The following GOLM2 variants were observed in gnomAD, a reference collection of about 807,000 sequenced individuals.
GOLM2 encodes the protein golgi membrane protein 2.
A neutral mutation model predicts 55.9 loss-of-function variants in GOLM2; 26 were observed. The ratio of observed to expected loss-of-function variants is 0.47; its 90% CI spans 0.34 to 0.65. The LOEUF (loss-of-function observed/expected upper bound fraction) is 0.65, where lower values mean the gene tolerates loss of function less well. Ranked by LOEUF, GOLM2 falls within the 30% of genes least tolerant of loss-of-function variation. GOLM2 has a pLI of 0.01. For missense variants in GOLM2, 486 were observed against 531.8 expected (o/e 0.91, Z 0.85); for synonymous variants, 165 against 194.6 (o/e 0.85, Z 1.27).
rs2078698743 is a variant in GOLM2, at chr15:44,288,886, T to C, written c.-144T>C. ...TGCGGCTTGCGGCCCCGCCCCCTTC[T>C]CCGGCTCGCAGCCGACCGGTAAGCC... On this transcript the variant is annotated 5_prime_UTR_variant, in exon 1 of 10. Transcript: ENST00000299957. 9 of 712,636 alleles carry C rather than the reference T, an allele frequency of 1.3e-5. No individual in the cohort carries two copies. The highest frequency in any genetic ancestry group is 1.8e-5 in the African/African-American group (1 of 55,256). 44.1% of individuals were successfully genotyped at this position (712,636 alleles called of 1,614,324 possible).
At chr15:44,401,119 G>T (rs75260922) in intron 8 of GOLM2, among the ~76,000 whole-genome samples, 7,187 of 151,948 alleles carry the variant, frequency 0.047, 286 homozygotes, top group East Asian at 0.19. Flanking sequence ...ATTTATCTAT[G>T]TATTTATCTT....
chr15:44,303,271 C>T (rs955811127), intron 1 of GOLM2, among the ~76,000 whole-genome samples: 1 of 152,028 alleles, frequency 6.6e-6, no homozygotes, highest in Non-Finnish European at 1.5e-5. Context: ...TAAATATGTA[C>T]TAGGGCTACC....
chr15:44,306,444 T>C (rs2412864), intron 1 of GOLM2, among the ~76,000 whole-genome samples: 19,849 of 152,214 alleles, frequency 0.13, 1,757 homozygotes, highest in Non-Finnish European at 0.2. Context: ...GGGAATATTG[T>C]GGTTAGTTTG....
chr15:44,365,960 A>T (rs189465690), intron 6 of GOLM2, among the ~76,000 whole-genome samples: 2 of 152,252 alleles, frequency 1.3e-5, no homozygotes, highest in African/African-American at 4.8e-5. Flanking sequence ...GATATTTGGG[A>T]TATTTTTCTA....
chr15:44,333,891 A>T (rs1440128467), intron 4 of GOLM2, among the ~76,000 whole-genome samples: 1 of 151,800 alleles, frequency 6.6e-6, no homozygotes, highest in Admixed American at 6.6e-5. Context: ...AATTTTTTGT[A>T]TTTTTAGTAG....
At chr15:44,342,208 T>C (rs192857731) in intron 6 of GOLM2, among the ~76,000 whole-genome samples, 6 of 152,212 alleles carry the variant, frequency 3.9e-5, no homozygotes, top group African/African-American at 1.4e-4. Context: ...ATTTTCTACA[T>C]TGTCATGGCA....
intron 2 of GOLM2, among the ~76,000 whole-genome samples, chr15:44,326,616 A>G (rs1431378349): frequency 6.6e-6 from 1 of 150,946 alleles, no homozygotes; most frequent in Middle Eastern, 3.2e-3. Flanking sequence ...TCTGCTGTTT[A>G]AAAACATCTG....
intron 4 of GOLM2, among the ~76,000 whole-genome samples, chr15:44,335,393 T>C (rs1226951549): frequency 6.6e-6 from 1 of 152,216 alleles, no homozygotes; most frequent in Non-Finnish European, 1.5e-5. Context: ...TGTCCATTCA[T>C]AGAAAGGTAC....
At chr15:44,342,187 C>T (rs1481610932) in intron 6 of GOLM2, among the ~76,000 whole-genome samples, 1 of 151,540 alleles carries the variant, frequency 6.6e-6, no homozygotes, top group African/African-American at 2.4e-5. Context: ...AAAATGTCAC[C>T]ATATGCAGAC....
In GOLM2 at chr15:44,375,623, A is replaced by T. The variant is rs182494646; in HGVS notation, c.803-4067A>T. ...TGAGACCTCCTCTCTACAAAAAAAA[A>T]TTTTTTAATTAGCCAGGTGTAGTGT... On this transcript the variant is annotated intron_variant, in intron 6 of 9. Coordinates refer to ENST00000299957, the MANE Select transcript of GOLM2 (RefSeq NM_138423.4). 5.1e-4 allele frequency among the ~76,000 whole-genome samples: 77 copies of T among 152,078 alleles called. No individual in the cohort carries two copies. In the East Asian group the frequency reaches 8.1e-3, roughly 16 times the overall value.
intron 6 of GOLM2, among the ~76,000 whole-genome samples, chr15:44,367,608 A>T (rs1012546334): frequency 1.3e-5 from 2 of 152,056 alleles, no homozygotes; most frequent in African/African-American, 4.8e-5. Flanking sequence ...CATCCTGGCC[A>T]ACATGGTGAA....
intron 6 of GOLM2, among the ~76,000 whole-genome samples, chr15:44,353,464 A>G (rs760479171): frequency 1.8e-4 from 27 of 152,218 alleles, no homozygotes; most frequent in Admixed American, 6.5e-4. Flanking sequence ...CAGTATATTA[A>G]AGAGATATTT....
intron 6 of GOLM2, among the ~76,000 whole-genome samples, chr15:44,345,519 C>CA (rs1567031249): frequency 6.6e-6 from 1 of 152,184 alleles, no homozygotes; most frequent in Non-Finnish European, 1.5e-5. Context: ...CTCGGCCTCC[C>CA]AAAGTGCTAG....
chr15:44,369,204 ATATGTGTG>A (rs200673393), intron 6 of GOLM2, among the ~76,000 whole-genome samples: 5,577 of 131,752 alleles, frequency 0.042, 234 homozygotes, highest in East Asian at 0.19. Context: ...ATATATATAT[ATATGTGTG>A]TGTGTGTGTG....
At chr15:44,380,513 T>C (rs1236883881) in intron 7 of GOLM2, among the ~76,000 whole-genome samples, 2 of 152,184 alleles carry the variant, frequency 1.3e-5, no homozygotes, top group African/African-American at 2.4e-5. Flanking sequence ...GTATCATTGC[T>C]ATATTAATCT....
chr15:44,310,949 G>A (rs769790853), intron 1 of GOLM2, among the ~76,000 whole-genome samples: 1 of 151,468 alleles, frequency 6.6e-6, no homozygotes, highest in Non-Finnish European at 1.5e-5. Context: ...CCCGGGAGGC[G>A]GAGGTTGCAG....
intron 1 of GOLM2, among the ~76,000 whole-genome samples, chr15:44,297,567 T>TA (rs2078765107): frequency 6.6e-6 from 1 of 151,900 alleles, no homozygotes; most frequent in Non-Finnish European, 1.5e-5. Flanking sequence ...TTTTTGTTTT[T>TA]TTTTTTTTAA....
At position 44,297,235 on chromosome 15, in the gene GOLM2, C is replaced by G. The variant is rs531222965; in HGVS notation, c.327+7879C>G. On this transcript the variant is annotated intron_variant, in intron 1 of 9. Transcript: ENST00000299957. ...CCCTAACTAGTCCCCTTTCCTTGGT[C>G]TCCATTTCTTTTTGTCAGTTCTCCT... Among the ~76,000 whole-genome samples the G allele has an allele frequency of 4.6e-5, 7 of 152,318 alleles. No homozygotes were observed. The East Asian group carries it at 1.4e-3, about 29-fold the overall frequency.
chr15:44,328,445 T>A (rs1231683018), intron 2 of GOLM2, among the ~76,000 whole-genome samples: 3 of 152,198 alleles, frequency 2.0e-5, no homozygotes, highest in African/African-American at 7.2e-5. Flanking sequence ...ACCACTGCAC[T>A]CTAACCTGAG....
Sources: allele counts gnomAD v4.1 joint callset (sites outside exome capture counted in the v4.1 genomes callset), GRCh38; gene constraint gnomAD v4.1.1; transcripts MANE v1.5; gene names NCBI Gene and HGNC (gene_info 2026-07-23, HGNC 2026-07-21).